KLHDC4: variants seen among roughly 807,000 people sequenced by gnomAD.
KLHDC4 encodes the protein kelch domain-containing protein 4.
Under a neutral mutation model 62.4 loss-of-function variants are expected in KLHDC4, and 90 were observed. The observed-to-expected ratio is 1.44, with a 90% CI of 1.22 to 1.72. The LOEUF (loss-of-function observed/expected upper bound fraction) is 1.72, where lower values mean the gene tolerates loss of function less well. Ranked by LOEUF, KLHDC4 falls within the 40% of genes most tolerant of loss-of-function variation. The pLI, the probability that KLHDC4 is intolerant of heterozygous loss-of-function variation, is 0.00. For synonymous variants in KLHDC4, 386 were observed against 284.4 expected (o/e 1.36, Z -3.59); for missense variants, 1,025 against 699.7 (o/e 1.47, Z -5.25).
intron 7 of KLHDC4, among the ~76,000 whole-genome samples, chr16:87,722,180 C>T (rs1275816608): frequency 2.0e-5 from 3 of 152,200 alleles, no homozygotes; most frequent in African/African-American, 7.2e-5. Context: ...TACAAGTCAT[C>T]ATAGTCAAAG....
At chr16:87,743,739 CA>C (rs1194445451) in intron 5 of KLHDC4, among the ~76,000 whole-genome samples, 1 of 150,872 alleles carries the variant, frequency 6.6e-6, no homozygotes, top group Non-Finnish European at 1.5e-5. Context: ...GACACCGCCT[CA>C]AAAAAAATAA....
At chr16:87,731,653 T>C (rs2040395485) in intron 5 of KLHDC4, among the ~76,000 whole-genome samples, 1 of 149,994 alleles carries the variant, frequency 6.7e-6, no homozygotes, top group South Asian at 2.1e-4. Context: ...CGTAACACAG[T>C]GAAACAACGG....
intron 2 of KLHDC4, among the ~76,000 whole-genome samples, chr16:87,761,018 G>A (rs998706145): frequency 2.0e-5 from 3 of 152,082 alleles, no homozygotes; most frequent in Non-Finnish European, 4.4e-5. Context: ...GGATGACAGA[G>A]TGAGACTCCA....
intron 5 of KLHDC4, among the ~76,000 whole-genome samples, chr16:87,739,620 C>T (rs1377031907): frequency 1.3e-5 from 2 of 148,592 alleles, no homozygotes; most frequent in Admixed American, 1.3e-4. Context: ...CACACCAGCA[C>T]GTCATCCATC....
At chr16:87,750,632 G>A (rs965721148) in intron 4 of KLHDC4, among the ~76,000 whole-genome samples, 1 of 152,238 alleles carries the variant, frequency 6.6e-6, no homozygotes, top group South Asian at 2.1e-4. Context: ...CTAAGGTCAA[G>A]TGCGCCTCGG....
rs752763610 is a variant in KLHDC4 at position 87,711,435 on chromosome 16, C to G, written c.844G>C (p.Val282Leu). The G allele has an allele frequency of 5.0e-6, 8 of 1,609,348 alleles. No individual in the cohort carries two copies. The highest frequency in any genetic ancestry group is 1.7e-4 in the Middle Eastern group (1 of 6,052). Residue 282 changes from valine (V) to leucine (L), a missense_variant, in exon 9 of 12, where the codon GTT becomes CTT. By Grantham distance (32) the Val-to-Leu change is conservative. Transcript: ENST00000270583. The part of the protein sequence containing the change: ...KPEDGREDKW[V>L]WTRMNPSGVK... Reference sequence around the variant, plus strand: ...CCCGAAGGGTTCATCCGAGTCCAAACCCACTTGTCTGTCAAAAGAGAACAA... The same window carrying G: ...CCCGAAGGGTTCATCCGAGTCCAAAGCCACTTGTCTGTCAAAAGAGAACAA...
chr16:87,714,733 G>C (rs1372802644), intron 7 of KLHDC4, among the ~76,000 whole-genome samples, 160 bp from the exon 8 acceptor site: 5 of 152,188 alleles, frequency 3.3e-5, no homozygotes, highest in African/African-American at 1.2e-4. Flanking sequence ...CTCAGGGCTG[G>C]CACCACCTGA....
intron 4 of KLHDC4, chr16:87,751,052 G>A (rs187611457): frequency 7.9e-5 from 12 of 152,352 alleles, no homozygotes; most frequent in African/African-American, 2.9e-4. Context: ...AGTAAATAGA[G>A]TTTTAAACTA....
chr16:87,701,311 G>C, exon 1 of KLHDC4: 1 of 239,356 alleles, frequency 4.2e-6, no homozygotes, highest in South Asian at 5.5e-5. Flanking sequence ...AGGTTAGCAA[G>C]AGGGTAGCAG....
intron 9 of KLHDC4, chr16:87,709,886 G>A (rs939959037): frequency 6.8e-6 from 4 of 588,096 alleles, no homozygotes; most frequent in African/African-American, 1.9e-5. Context: ...CTCCTGGGCT[G>A]GGGCAGAAAA....
At chr16:87,756,536 G>T in intron 2 of KLHDC4, 59 bp from the exon 3 acceptor site, 2 of 1,228,174 alleles carry the variant, frequency 1.6e-6, no homozygotes, top group Non-Finnish European at 2.4e-6. Flanking sequence ...CCTGAGCGCT[G>T]TCCCCTTCCT....
exon 1 of KLHDC4, chr16:87,700,839 CGGAGGGA>C (rs2034111612): frequency 1.2e-5 from 1 of 85,926 alleles, no homozygotes; most frequent in African/African-American, 5.9e-5. Context: ...GGTTGGAGGG[CGGAGGGA>C]GGAGGTTGGA....
chr16:87,720,014 C>G (rs1026531535), intron 7 of KLHDC4, among the ~76,000 whole-genome samples: 1 of 152,198 alleles, frequency 6.6e-6, no homozygotes, highest in Non-Finnish European at 1.5e-5. Context: ...CCCCACCTCC[C>G]GCAGAAGTAC....
At chr16:87,716,840 G>A (rs963823687) in intron 7 of KLHDC4, among the ~76,000 whole-genome samples, 7 of 152,208 alleles carry the variant, frequency 4.6e-5, no homozygotes, top group African/African-American at 1.7e-4. Flanking sequence ...GCTGAGGCAG[G>A]AGAATGGCAT....
chr16:87,718,746 C>T (rs990607634), intron 7 of KLHDC4, among the ~76,000 whole-genome samples: 5 of 151,174 alleles, frequency 3.3e-5, no homozygotes, highest in African/African-American at 9.7e-5. Context: ...TGAGGAGCGC[C>T]TCTTCCCGGC....
chr16:87,738,408 C>G lies in KLHDC4; in HGVS notation c.507-7764G>C, dbSNP rs1431405741. ...ATATCTTCATCCAACCAAACAGTAC[C>G]GATCATCTCCCAAGTGCTCCGGTGC... On this transcript the variant is annotated intron_variant, in intron 5 of 11. Coordinates refer to ENST00000270583, the MANE Select transcript of KLHDC4 (RefSeq NM_017566.4). Among the ~76,000 whole-genome samples, 6 of 152,058 alleles carry G rather than the reference C, an allele frequency of 3.9e-5. No homozygotes were observed. In the South Asian group the frequency reaches 1.2e-3, roughly 31 times the overall value.
chr16:87,701,272 G>A (rs994137799), exon 1 of KLHDC4: 3 of 230,432 alleles, frequency 1.3e-5, no homozygotes, highest in Non-Finnish European at 2.6e-5. Flanking sequence ...GGAAGTCAAC[G>A]CCACCAAAGC....
chr16:87,758,749 G>A (rs575333065), intron 2 of KLHDC4, among the ~76,000 whole-genome samples: 4 of 152,320 alleles, frequency 2.6e-5, no homozygotes, highest in South Asian at 2.1e-4. Flanking sequence ...AAGCTGTCCT[G>A]GGCCACCAGT....
chr16:87,698,623 C>G (rs768237009), exon 1 of KLHDC4: 1 of 152,302 alleles, frequency 6.6e-6, no homozygotes, highest in Non-Finnish European at 1.5e-5. Context: ...GCAGCGAGGG[C>G]AGAGGGCAAA....
Sources: gnomAD v4.1 joint callset for allele counts (sites outside exome capture counted in the v4.1 genomes callset) on GRCh38, gnomAD v4.1.1 for gene constraint, MANE v1.5 for transcripts, NCBI Gene and HGNC (gene_info 2026-07-23, HGNC 2026-07-21) for gene names.